Variants in THSD4 observed in about 807,000 individuals in gnomAD.
THSD4 encodes the protein thrombospondin type 1 domain containing 4, also known as thrombospondin type-1 domain-containing protein 4.
A neutral mutation model predicts 119.0 loss-of-function variants in THSD4; 69 were observed. The ratio of observed to expected loss-of-function variants is 0.58; its 90% CI spans 0.48 to 0.71. The LOEUF (loss-of-function observed/expected upper bound fraction) is 0.71. THSD4 is among the 30% of genes least tolerant of loss of function. The pLI is 0.00. For synonymous variants in THSD4, 524 were observed against 540.4 expected, an observed-to-expected ratio of 0.97 and a Z score of 0.42; for missense variants, 1,393 against 1,391.1, an observed-to-expected ratio of 1.00 and a Z score of -0.02.
At chr15:71,392,293 G>A (rs2046388985) in intron 6 of THSD4, among the ~76,000 whole-genome samples, 1 of 152,140 alleles carries the variant, frequency 6.6e-6, no homozygotes, top group South Asian at 2.1e-4. Flanking sequence ...CTAGTTTCAC[G>A]GGAGAAGAGG....
Position 71,303,497 on chromosome 15 carries a change from T to C in THSD4, c.1015+46782T>C, listed in dbSNP as rs142872374. 7.9e-4 allele frequency among the ~76,000 whole-genome samples: 120 copies of C among 152,346 alleles called. No individual in the cohort carries two copies. The South Asian group carries it at 9.7e-3, about 12-fold the overall frequency. On this transcript the variant is annotated intron_variant, in intron 6 of 17. Coordinates refer to ENST00000261862, the MANE Select transcript of THSD4 (RefSeq NM_024817.3). ...CCAGTTCTATGGAGAAAGCAGTACATTGAGGATGAGATTTCTGCTTGTTTC... is the reference window on the plus strand; with the variant it reads ...CCAGTTCTATGGAGAAAGCAGTACACTGAGGATGAGATTTCTGCTTGTTTC...
Position 71,660,639 on chromosome 15 carries a change from C to A in THSD4, c.1262C>A (p.Ala421Asp). Residue 421 changes from alanine to aspartate, a missense_variant, in exon 8 of 18, where the codon GCC (alanine) becomes GAC (aspartate). Ala to Asp is a moderately radical substitution (Grantham distance 126). Transcript: ENST00000261862. ...CQVVSGVFKH[A>D]LTSLGYHRVV... ...GTTGTGTCGGGCGTGTTTAAGCATG[C>A]CCTCACCAGCCTGGGCTACCACCGC... 1.2e-6 allele frequency: 2 copies of A among 1,614,094 alleles called. No homozygotes were observed. The highest frequency in any genetic ancestry group is 1.7e-6 in the Non-Finnish European group (2 of 1,180,006).
chr15:71,151,705 G>A (rs1265267189), intron 2 of THSD4, among the ~76,000 whole-genome samples: 1 of 152,154 alleles, frequency 6.6e-6, no homozygotes, highest in Non-Finnish European at 1.5e-5. Flanking sequence ...CCACTGTCTG[G>A]GAACCCGCTG....
chr15:71,569,423 T>A (rs2049307047), intron 7 of THSD4, among the ~76,000 whole-genome samples: 1 of 152,250 alleles, frequency 6.6e-6, no homozygotes, highest in Non-Finnish European at 1.5e-5. Context: ...ATGTATTGAC[T>A]AAACATCTTT....
Position 71,215,145 on chromosome 15 carries a change from C to A in THSD4, c.210C>A (p.Ser70Arg), listed in dbSNP as rs1174155483. ...GPWSACSRSC[S>R]GGVMEQTRPC... ...GGTCGGCCTGCTCGCGTAGCTGCAGCGGCGGCGTGATGGAGCAGACGCGGC... is the reference window on the plus strand; with the variant it reads ...GGTCGGCCTGCTCGCGTAGCTGCAGAGGCGGCGTGATGGAGCAGACGCGGC... Residue 70 changes from serine (S) to arginine (R), a missense_variant, in exon 4 of 18, where the codon AGC becomes AGA. Coordinates refer to ENST00000261862, the MANE Select transcript of THSD4 (RefSeq NM_024817.3). The A allele has an allele frequency of 1.5e-6, 2 of 1,371,666 alleles. No homozygotes were observed. Among genetic ancestry groups the A allele is most frequent in the South Asian group, 1.7e-5 (1 of 60,402 alleles). 85.0% of individuals were successfully genotyped at this position (1,371,666 alleles called of 1,614,324 possible).
chr15:71,285,802 C>T lies in THSD4; in HGVS notation c.1015+29087C>T, dbSNP rs1483354041. ...CTGGGAGGCAGAGGTTGCAGTGAGC[C>T]GAAATTGTGCTACTGCACTCCAGCC... On this transcript the variant is annotated intron_variant, in intron 6 of 17. Coordinates refer to ENST00000261862, the MANE Select transcript of THSD4 (RefSeq NM_024817.3). Among the ~76,000 whole-genome samples, 5 of 126,128 alleles carry T rather than the reference C, an allele frequency of 4.0e-5. No homozygotes were observed. In the East Asian group the frequency reaches 9.8e-4, roughly 25 times the overall value. The allele number at this position is 126,128 out of a possible 152,430, so 82.7% of individuals were successfully genotyped here.
chr15:71,591,526 C>T (rs1469626020), intron 7 of THSD4, among the ~76,000 whole-genome samples: 1 of 152,212 alleles, frequency 6.6e-6, no homozygotes, highest in South Asian at 2.1e-4. Context: ...CCCTGGGCTT[C>T]CCTGTCACAC....
chr15:71,700,403 AAAAC>A (rs1334310289), intron 8 of THSD4, among the ~76,000 whole-genome samples: 3 of 152,182 alleles, frequency 2.0e-5, no homozygotes, highest in East Asian at 1.9e-4. Context: ...ATAGGAAAGA[AAAAC>A]AAACTTTACT....
intron 1 of THSD4, among the ~76,000 whole-genome samples, chr15:71,097,575 AAAC>A (rs1213712824): frequency 4.6e-5 from 7 of 151,394 alleles, no homozygotes; most frequent in Admixed American, 1.3e-4. Context: ...CGAAAAAAAA[AAAC>A]AACAACAACC....
intron 6 of THSD4, among the ~76,000 whole-genome samples, chr15:71,373,478 A>G (rs1208144683): frequency 6.6e-6 from 1 of 152,176 alleles, no homozygotes; most frequent in Non-Finnish European, 1.5e-5. Flanking sequence ...GCTGAAACAA[A>G]GACATTTTGG....
chr15:71,441,343 G>A (rs1368933074), intron 7 of THSD4, among the ~76,000 whole-genome samples: 2 of 34,270 alleles, frequency 5.8e-5, no homozygotes, highest in East Asian at 5.7e-4. Context: ...AACAGGGTTC[G>A]GGAGAGAGGG....
intron 17 of THSD4, among the ~76,000 whole-genome samples, chr15:71,773,963 C>G (rs2053867793): frequency 6.6e-6 from 1 of 152,062 alleles, no homozygotes; most frequent in Non-Finnish European, 1.5e-5. Context: ...AGAACTCACT[C>G]AATTTTTTAA....
At chr15:71,346,273 C>T (rs919583389) in intron 6 of THSD4, among the ~76,000 whole-genome samples, 2 of 152,080 alleles carry the variant, frequency 1.3e-5, no homozygotes, top group Middle Eastern at 3.2e-3. Flanking sequence ...TAGATTCAGT[C>T]GATGAATTTT....
chr15:71,109,092 G>T (rs1470007743), intron 1 of THSD4, among the ~76,000 whole-genome samples: 1 of 152,196 alleles, frequency 6.6e-6, no homozygotes, highest in Non-Finnish European at 1.5e-5. Flanking sequence ...AAAGAAAGAT[G>T]AACTTAGGAA....
intron 7 of THSD4, among the ~76,000 whole-genome samples, chr15:71,506,744 T>C (rs2048195988): frequency 6.6e-6 from 1 of 152,234 alleles, no homozygotes; most frequent in Admixed American, 6.5e-5. Context: ...TGGTCTGAAC[T>C]GGCCCAAGGC....
At chr15:71,737,498 C>T (rs938292224) in intron 10 of THSD4, among the ~76,000 whole-genome samples, 4 of 152,128 alleles carry the variant, frequency 2.6e-5, no homozygotes, top group Non-Finnish European at 4.4e-5. Flanking sequence ...GTCTATGGCT[C>T]ACAATTCCTG....
intron 8 of THSD4, among the ~76,000 whole-genome samples, chr15:71,685,432 A>G (rs1392848186): frequency 6.6e-6 from 1 of 152,134 alleles, no homozygotes. Flanking sequence ...GCTTTCAAAT[A>G]ACAATAATAA....
intron 7 of THSD4, among the ~76,000 whole-genome samples, chr15:71,531,866 G>A (rs537573018): frequency 4.6e-5 from 7 of 152,188 alleles, no homozygotes; most frequent in South Asian, 2.1e-4. Context: ...AATTCTGGGT[G>A]GAGGAAGACC....
rs1414058226 is a variant in THSD4, at chr15:71,345,479, A to G, written c.1016-66208A>G. Among the ~76,000 whole-genome samples, 4 of 152,168 alleles carry G rather than the reference A, an allele frequency of 2.6e-5. No homozygotes were observed. The East Asian group carries it at 7.7e-4, about 29-fold the overall frequency. On this transcript the variant is annotated intron_variant, in intron 6 of 17. Transcript: ENST00000261862. Reference sequence around the variant, plus strand: ...ATTAAGATTTTTTTTAACTTAAACCAATTGGATTTGGTAATAAATCACACA... The same window carrying G: ...ATTAAGATTTTTTTTAACTTAAACCGATTGGATTTGGTAATAAATCACACA...
Sources: allele counts gnomAD v4.1 joint callset (sites outside exome capture counted in the v4.1 genomes callset), GRCh38; gene constraint gnomAD v4.1.1; transcripts MANE v1.5; gene names NCBI Gene and HGNC (gene_info 2026-07-23, HGNC 2026-07-21).